Variants in PAPPA2 observed in about 807,000 individuals in gnomAD.
The protein encoded by PAPPA2 is pappalysin 2.
In PAPPA2, 86 loss-of-function variants were observed where a neutral mutation model predicts 176.4. That is an observed-to-expected ratio of 0.49 (90% CI 0.41 to 0.58). The LOEUF (loss-of-function observed/expected upper bound fraction) is 0.58. PAPPA2 is among the 20% of genes least tolerant of loss of function. The pLI is 0.00. For synonymous variants in PAPPA2, 809 were observed against 852.2 expected (o/e 0.95, Z 0.88); for missense variants, 2,073 against 2,256.9 (o/e 0.92, Z 1.65).
intron 12 of PAPPA2, among the ~76,000 whole-genome samples, chr1:176,713,412 C>G (rs1490480411): frequency 1.3e-5 from 2 of 152,208 alleles, no homozygotes; most frequent in Non-Finnish European, 2.9e-5. Flanking sequence ...AAAGCCTCTT[C>G]TTTAAACCTG....
chr1:176,743,736 C>T (rs1175136485), intron 14 of PAPPA2, among the ~76,000 whole-genome samples: 3 of 152,150 alleles, frequency 2.0e-5, no homozygotes, highest in Non-Finnish European at 4.4e-5. Context: ...TGGGAATTTA[C>T]AAGGTCAAGA....
At chr1:176,769,806 A>G in intron 16 of PAPPA2, 22 bp downstream of exon 16, 3 of 1,573,936 alleles carry the variant, frequency 1.9e-6, no homozygotes, top group Non-Finnish European at 2.6e-6. Flanking sequence ...TCAACCAGGA[A>G]CTGTATGCAA....
intron 12 of PAPPA2, among the ~76,000 whole-genome samples, chr1:176,732,799 T>C (rs1662222084): frequency 1.3e-5 from 2 of 152,134 alleles, no homozygotes; most frequent in Admixed American, 6.6e-5. Context: ...TTCAAAATGA[T>C]TTAAAATTGT....
intron 17 of PAPPA2, among the ~76,000 whole-genome samples, chr1:176,784,721 G>C (rs1571323306): frequency 6.6e-6 from 1 of 151,988 alleles, no homozygotes; most frequent in South Asian, 2.1e-4. Flanking sequence ...CAAATAGCTG[G>C]GACTACAGGT....
At chr1:176,841,050 G>C (rs1441419484) in intron 22 of PAPPA2, among the ~76,000 whole-genome samples, 1 of 152,178 alleles carries the variant, frequency 6.6e-6, no homozygotes, top group Non-Finnish European at 1.5e-5. Flanking sequence ...ATATGTGGCA[G>C]ACACTGTTCT....
chr1:176,670,795 A>C (rs771642558), intron 3 of PAPPA2, among the ~76,000 whole-genome samples, 175 bp from the exon 4 acceptor site: 13 of 152,162 alleles, frequency 8.5e-5, no homozygotes, highest in Non-Finnish European at 1.2e-4. Flanking sequence ...AAGCATCCCA[A>C]ATGTGTATTA....
chr1:176,672,412 T>C (rs182841111), intron 4 of PAPPA2, among the ~76,000 whole-genome samples: 2 of 152,198 alleles, frequency 1.3e-5, no homozygotes, highest in Non-Finnish European at 2.9e-5. Context: ...GAGGAATAAA[T>C]TAAAGAAATA....
chr1:176,716,767 A>G (rs1426335441), intron 12 of PAPPA2, among the ~76,000 whole-genome samples: 3 of 151,520 alleles, frequency 2.0e-5, no homozygotes, highest in African/African-American at 2.4e-5. Context: ...ACCCGCCACC[A>G]TGCCCGGCTA....
chr1:176,761,116 C>T (rs1663680308), intron 14 of PAPPA2, among the ~76,000 whole-genome samples: 4 of 152,058 alleles, frequency 2.6e-5, no homozygotes, highest in Admixed American at 6.6e-5. Flanking sequence ...CCACCGCACC[C>T]GGCCAAAAAC....
At chr1:176,804,259 G>C (rs1018742763) in intron 21 of PAPPA2, among the ~76,000 whole-genome samples, 3 of 151,968 alleles carry the variant, frequency 2.0e-5, no homozygotes, top group Non-Finnish European at 4.4e-5. Flanking sequence ...ACCCATTCCC[G>C]GGACTCATCC....
At chr1:176,565,877 C>T (rs1006452981) in intron 2 of PAPPA2, among the ~76,000 whole-genome samples, 30 of 152,152 alleles carry the variant, frequency 2.0e-4, no homozygotes, top group African/African-American at 2.4e-5. Context: ...GAAGTGGGTT[C>T]TCTCACCAAG....
chr1:176,805,468 C>T (rs1665861857), intron 21 of PAPPA2, among the ~76,000 whole-genome samples: 2 of 152,092 alleles, frequency 1.3e-5, no homozygotes, highest in South Asian at 2.1e-4. Context: ...GGACAGAGGC[C>T]GAGTGATGTC....
chr1:176,526,978 A>G (rs972210834), intron 1 of PAPPA2, among the ~76,000 whole-genome samples: 1 of 151,978 alleles, frequency 6.6e-6, no homozygotes, highest in Non-Finnish European at 1.5e-5. Flanking sequence ...TTTTTATTAA[A>G]CTTCTTTTTG....
At chr1:176,651,944 T>C (rs1280626983) in intron 3 of PAPPA2, among the ~76,000 whole-genome samples, 1 of 151,710 alleles carries the variant, frequency 6.6e-6, no homozygotes, top group African/African-American at 2.4e-5. Flanking sequence ...AATATAATTT[T>C]AGTTCAGCAA....
At chr1:176,600,488 A>G (rs1654250549) in intron 3 of PAPPA2, among the ~76,000 whole-genome samples, 2 of 151,728 alleles carry the variant, frequency 1.3e-5, no homozygotes. Context: ...CATCCTGGCT[A>G]ACACGGTGAA....
chr1:176,702,999 C>T (rs942179399), intron 9 of PAPPA2, among the ~76,000 whole-genome samples: 8 of 151,976 alleles, frequency 5.3e-5, no homozygotes, highest in African/African-American at 1.9e-4. Context: ...ATAGCTAACC[C>T]CAGAGTATTG....
chr1:176,699,738 G>T, intron 8 of PAPPA2, 149 bp downstream of exon 8: 1 of 1,335,342 alleles, frequency 7.5e-7, no homozygotes. Context: ...TGGCATATCT[G>T]AGGTAAAGAA....
At chr1:176,688,494 A>T (rs1177200093) in intron 4 of PAPPA2, among the ~76,000 whole-genome samples, 1 of 152,262 alleles carries the variant, frequency 6.6e-6, no homozygotes, top group South Asian at 2.1e-4. Flanking sequence ...GCTTAACGTT[A>T]TGTTGACATC....
At chr1:176,717,806 C>T (rs1661444861) in intron 12 of PAPPA2, among the ~76,000 whole-genome samples, 1 of 152,202 alleles carries the variant, frequency 6.6e-6, no homozygotes, top group African/African-American at 2.4e-5. Context: ...GTTAAACTAA[C>T]ATAAGATATT....
Sources: allele counts gnomAD v4.1 joint callset (sites outside exome capture counted in the v4.1 genomes callset), GRCh38; gene constraint gnomAD v4.1.1; transcripts MANE v1.5; gene names NCBI Gene and HGNC (gene_info 2026-07-23, HGNC 2026-07-21).